Variants in ZDHHC17 observed in about 807,000 individuals in gnomAD.
The protein encoded by ZDHHC17 is zDHHC palmitoyltransferase 17.
A neutral mutation model predicts 90.3 loss-of-function variants in ZDHHC17; 40 were observed. That is an observed-to-expected ratio of 0.44 (90% CI 0.34 to 0.58). The LOEUF (loss-of-function observed/expected upper bound fraction) is 0.58. Ranked by LOEUF, ZDHHC17 falls within the 20% of genes least tolerant of loss-of-function variation. The pLI is 0.01. For synonymous variants in ZDHHC17, 235 were observed against 252.4 expected, an observed-to-expected ratio of 0.93 and a Z score of 0.65; for missense variants, 614 against 780.8, an observed-to-expected ratio of 0.79 and a Z score of 2.55.
At chr12:76,824,286 T>A (rs578178881) in intron 8 of ZDHHC17, among the ~76,000 whole-genome samples, 1 of 152,044 alleles carries the variant, frequency 6.6e-6, no homozygotes, top group Non-Finnish European at 1.5e-5. Flanking sequence ...AGAAATGGAG[T>A]TTCTTTCCTG....
intron 2 of ZDHHC17, among the ~76,000 whole-genome samples, chr12:76,800,547 A>T (rs1303097999): frequency 6.6e-6 from 1 of 152,194 alleles, no homozygotes; most frequent in Non-Finnish European, 1.5e-5. Context: ...CAATGCTTTT[A>T]ATTTATAATT....
At chr12:76,800,648 A>G (rs1952874915) in intron 2 of ZDHHC17, among the ~76,000 whole-genome samples, 2 of 152,140 alleles carry the variant, frequency 1.3e-5, no homozygotes, top group Admixed American at 6.5e-5. Context: ...ATTGTCTGAT[A>G]TTAGTGTAGC....
At position 76,852,361 on chromosome 12, in the gene ZDHHC17, G is replaced by C. The variant is rs1321203858; in HGVS notation, c.*1376G>C. 1 of 152,636 alleles carries C rather than the reference G, an allele frequency of 6.6e-6. No homozygotes were observed. Among genetic ancestry groups the C allele is most frequent in the East Asian group, 1.9e-4 (1 of 5,198 alleles). 9.5% of individuals were successfully genotyped at this position (152,636 alleles called of 1,614,324 possible). A position where few individuals can be genotyped will look rare whatever the true frequency, so the allele number is the denominator to read the frequency against. On this transcript the variant is annotated 3_prime_UTR_variant, in exon 17 of 17. Coordinates refer to ENST00000426126, the MANE Select transcript of ZDHHC17 (RefSeq NM_015336.4). ...CAGATCCTAGACCAATGTAAAGAAT[G>C]TGTATCTGTATATAAATAATTTATC...
At chr12:76,787,845 T>TA (rs1952708979) in intron 1 of ZDHHC17, among the ~76,000 whole-genome samples, 1 of 152,180 alleles carries the variant, frequency 6.6e-6, no homozygotes, top group East Asian at 1.9e-4. Flanking sequence ...ACACACTACT[T>TA]ACCAAACTAA....
rs781688820 is a variant in ZDHHC17 at position 76,826,914 on chromosome 12, C to T, written c.904C>T (p.Arg302Trp). 13 of 1,510,130 alleles carry T rather than the reference C, an allele frequency of 8.6e-6. No homozygotes were observed. The highest frequency in any genetic ancestry group is 1.8e-4 in the Middle Eastern group (1 of 5,694). 93.5% of individuals were successfully genotyped at this position (1,510,130 alleles called of 1,614,324 possible). A position where few individuals can be genotyped will look rare whatever the true frequency, so the allele number is the denominator to read the frequency against. ...LRKLKADKEF[R>W]QKVMLGTPFL... ...ATTTTTTGTTTCTATACAGGAATTT[C>T]GGCAGAAAGTAATGTTAGGAACTCC... The change falls in exon 9 of 17, where the codon CGG (arginine) becomes TGG (tryptophan). Residue 302 changes from arginine (R) to tryptophan (W), a missense_variant. Physicochemically the swap from Arg to Trp is moderately radical, Grantham distance 101. Around this residue, in one of 5 missense-constraint regions of ZDHHC17, gnomAD observed 358 missense variants for 380.4 expected, o/e 0.94. Coordinates refer to ENST00000426126, the MANE Select transcript of ZDHHC17 (RefSeq NM_015336.4).
chr12:76,789,735 C>CA (rs749287113), intron 1 of ZDHHC17, among the ~76,000 whole-genome samples: 1 of 151,268 alleles, frequency 6.6e-6, no homozygotes, highest in Non-Finnish European at 1.5e-5. Flanking sequence ...AGATTAAAAA[C>CA]AATAGTTGCC....
At chr12:76,782,742 T>C (rs948551860) in intron 1 of ZDHHC17, among the ~76,000 whole-genome samples, 2 of 152,002 alleles carry the variant, frequency 1.3e-5, no homozygotes, top group African/African-American at 4.8e-5. Flanking sequence ...AAACAACAGA[T>C]TTTATTCAGG....
intron 8 of ZDHHC17, among the ~76,000 whole-genome samples, chr12:76,826,313 C>T (rs1470288746): frequency 6.6e-6 from 1 of 152,126 alleles, no homozygotes; most frequent in Admixed American, 6.5e-5. Context: ...ACAACCAGAC[C>T]AGTACAGAAA....
At chr12:76,850,727 C>T (rs951955632) in intron 16 of ZDHHC17, 120 bp from the exon 17 acceptor site, 8 of 1,254,522 alleles carry the variant, frequency 6.4e-6, no homozygotes, top group Admixed American at 4.7e-5. Context: ...TTCCTTCTTG[C>T]AAGTAACCTG....
intron 1 of ZDHHC17, among the ~76,000 whole-genome samples, chr12:76,791,487 TTTTTG>T (rs1272162593): frequency 1.3e-5 from 2 of 152,206 alleles, no homozygotes; most frequent in Non-Finnish European, 2.9e-5. Flanking sequence ...ATACGTATGC[TTTTTG>T]TTTTATTTTG....
intron 10 of ZDHHC17, among the ~76,000 whole-genome samples, chr12:76,833,756 G>A (rs1025783967): frequency 1.3e-5 from 2 of 152,152 alleles, no homozygotes; most frequent in African/African-American, 4.8e-5. Flanking sequence ...TTGCGCCACT[G>A]CACTCCAGCC....
intron 5 of ZDHHC17, chr12:76,813,215 G>A (rs1024324231): frequency 1.4e-5 from 4 of 280,836 alleles, no homozygotes; most frequent in Admixed American, 4.9e-5. Flanking sequence ...GAGGTCCTAC[G>A]GAAATTAGGA....
chr12:76,847,689 C>A (rs1953511904), intron 14 of ZDHHC17, among the ~76,000 whole-genome samples: 1 of 152,106 alleles, frequency 6.6e-6, no homozygotes, highest in Non-Finnish European at 1.5e-5. Context: ...GAGACCCCAT[C>A]TCTACAAAAA....
chr12:76,851,653 T>C lies in ZDHHC17; in HGVS notation c.*668T>C, dbSNP rs965352343. On this transcript the variant is annotated 3_prime_UTR_variant, in exon 17 of 17. Transcript: ENST00000426126. ...AACCTTACTCTGAGGTTTTACGGTC[T>C]GATAATGAAGCACTTGCATGAGTAT... 2.0e-5 allele frequency: 3 copies of C among 152,748 alleles called. No individual in the cohort carries two copies. Among genetic ancestry groups the C allele is most frequent in the South Asian group, 2.1e-4 (1 of 4,836 alleles). The allele number at this position is 152,748 out of a possible 1,614,324, so 9.5% of individuals were successfully genotyped here. A position where few individuals can be genotyped will look rare whatever the true frequency, so the allele number is the denominator to read the frequency against.
intron 15 of ZDHHC17, 151 bp from the exon 16 acceptor site, chr12:76,849,225 G>T: frequency 9.1e-6 from 4 of 439,258 alleles, no homozygotes; most frequent in South Asian, 4.8e-5. Context: ...TTTGGGGTGG[G>T]GGGAGGTGGC....
chr12:76,824,538 T>C (rs1953207596), intron 8 of ZDHHC17, among the ~76,000 whole-genome samples: 1 of 124,872 alleles, frequency 8.0e-6, no homozygotes, highest in African/African-American at 3.0e-5. Context: ...GCCTGTGAAG[T>C]GTGTTTTATA....
intron 1 of ZDHHC17, among the ~76,000 whole-genome samples, chr12:76,780,628 A>G (rs1410392064): frequency 6.6e-6 from 1 of 152,220 alleles, no homozygotes; most frequent in African/African-American, 2.4e-5. Context: ...AGTCAACTGC[A>G]GCCTAACATG....
intron 3 of ZDHHC17, 50 bp downstream of exon 3, chr12:76,805,489 A>G: frequency 7.4e-7 from 1 of 1,343,748 alleles, no homozygotes; most frequent in Non-Finnish European, 1.0e-6. Flanking sequence ...TTTTATGGTT[A>G]TAAAATTAAT....
rs546589989 is a variant in ZDHHC17, at chr12:76,798,998, G to A, written c.197+1461G>A. Among the ~76,000 whole-genome samples the A allele has an allele frequency of 1.1e-3, 173 of 152,274 alleles. 5 individuals are homozygous for A. Among genetic ancestry groups the A allele is most frequent in the Admixed American group, 0.011 (172 of 15,298 alleles). ...GACACAGATCCAAACCATGTCAGGC[G>A]TGATGGCACACTCCTGTGGTCCCAG... On this transcript the variant is annotated intron_variant, in intron 2 of 16. Coordinates refer to ENST00000426126, the MANE Select transcript of ZDHHC17 (RefSeq NM_015336.4).
Sources: allele counts gnomAD v4.1 joint callset (sites outside exome capture counted in the v4.1 genomes callset), GRCh38; gene constraint gnomAD v4.1.1; regional missense constraint gnomAD v4.1.1; transcripts MANE v1.5; gene names NCBI Gene and HGNC (gene_info 2026-07-23, HGNC 2026-07-21).